The following PHKB variants were observed in gnomAD, a reference collection of about 807,000 sequenced individuals.
PHKB encodes phosphorylase kinase regulatory subunit beta.
PHKB carries 122 observed loss-of-function variants against 152.1 expected under a neutral mutation model. The observed-to-expected ratio is 0.80, with a 90% CI of 0.69 to 0.93. The LOEUF (loss-of-function observed/expected upper bound fraction) is 0.93, where lower values mean the gene tolerates loss of function less well. PHKB is among the 40% of genes least tolerant of loss of function. The pLI, the probability that PHKB is intolerant of heterozygous loss-of-function variation, is 0.00. For synonymous variants in PHKB, 436 were observed against 464.9 expected, an observed-to-expected ratio of 0.94 and a Z score of 0.80; for missense variants, 1,304 against 1,328.4, an observed-to-expected ratio of 0.98 and a Z score of 0.29.
rs1037763534 is a variant in PHKB at position 47,579,583 on chromosome 16, G to T, written c.711-712G>T. ...TAAAAATTTGTAATAATTAAACTGAGTATTAGATATAAAATATTTAAAGGT... is the reference window on the plus strand; with the variant it reads ...TAAAAATTTGTAATAATTAAACTGATTATTAGATATAAAATATTTAAAGGT... On this transcript the variant is annotated intron_variant, in intron 7 of 30. Coordinates refer to ENST00000323584, the MANE Select transcript of PHKB (RefSeq NM_000293.3). Among the ~76,000 whole-genome samples, 4 of 152,160 alleles carry T rather than the reference G, an allele frequency of 2.6e-5. 1 individual carries two copies. The highest frequency in any genetic ancestry group is 6.8e-3 in the Middle Eastern group (2 of 294).
rs1422887377 is a variant in PHKB at position 47,573,873 on chromosome 16, C to T, written c.711-6422C>T. Among the ~76,000 whole-genome samples, 3 of 152,324 alleles carry T rather than the reference C, an allele frequency of 2.0e-5. No homozygotes were observed. The East Asian group carries it at 5.8e-4, about 29-fold the overall frequency. On this transcript the variant is annotated intron_variant, in intron 7 of 30. Coordinates refer to ENST00000323584, the MANE Select transcript of PHKB (RefSeq NM_000293.3). Reference sequence around the variant, plus strand: ...GAGGTCCCTTATGAAGTAGGATCAGCAATGGCTTCCCTCCATCCCTGCTAG... The same window carrying T: ...GAGGTCCCTTATGAAGTAGGATCAGTAATGGCTTCCCTCCATCCCTGCTAG...
intron 26 of PHKB, among the ~76,000 whole-genome samples, chr16:47,672,408 A>G (rs1438812919): frequency 6.6e-6 from 1 of 152,176 alleles, no homozygotes; most frequent in Non-Finnish European, 1.5e-5. Flanking sequence ...ATGAAAAGAA[A>G]TGTGATTCTC....
intron 6 of PHKB, among the ~76,000 whole-genome samples, chr16:47,521,111 A>G (rs745823653): frequency 3.2e-4 from 49 of 152,298 alleles, no homozygotes; most frequent in Non-Finnish European, 6.5e-4. Context: ...GTGTTCTGCA[A>G]TCTTGAACTC....
intron 1 of PHKB, among the ~76,000 whole-genome samples, chr16:47,479,458 ATTT>A (rs1221626791): frequency 7.2e-6 from 1 of 138,522 alleles, no homozygotes; most frequent in African/African-American, 2.7e-5. Context: ...CTTCTCTCTC[ATTT>A]TTTTTTTTTT....
At chr16:47,533,381 G>C (rs910098657) in intron 6 of PHKB, among the ~76,000 whole-genome samples, 4 of 152,118 alleles carry the variant, frequency 2.6e-5, no homozygotes, top group Non-Finnish European at 5.9e-5. Flanking sequence ...GCCTGAAAGT[G>C]GGGCCTCACC....
chr16:47,558,814 T>G (rs1416319249), intron 7 of PHKB, among the ~76,000 whole-genome samples: 1 of 152,236 alleles, frequency 6.6e-6, no homozygotes, highest in Admixed American at 6.5e-5. Context: ...CCTCCCAAAG[T>G]GCTGGGATTA....
At chr16:47,548,796 T>A (rs916242106) in intron 7 of PHKB, among the ~76,000 whole-genome samples, 2 of 152,168 alleles carry the variant, frequency 1.3e-5, no homozygotes, top group African/African-American at 4.8e-5. Flanking sequence ...TATGATTCAG[T>A]TTTCTCATCT....
intron 5 of PHKB, among the ~76,000 whole-genome samples, chr16:47,515,283 A>G (rs1970576639): frequency 6.6e-6 from 1 of 152,254 alleles, no homozygotes; most frequent in African/African-American, 2.4e-5. Flanking sequence ...TTTTATTTGA[A>G]GCCGTTTCCC....
rs750528508 is a variant in PHKB at position 47,696,487 on chromosome 16, A to G, written c.3002A>G (p.Glu1001Gly). 7.9e-6 allele frequency: 12 copies of G among 1,522,420 alleles called. No individual in the cohort carries two copies. In the South Asian group the frequency reaches 1.3e-4, roughly 17 times the overall value. 94.3% of individuals were successfully genotyped at this position (1,522,420 alleles called of 1,614,324 possible). ...DQPQYRQIVV[E>G]LLMVVSIVLE... ...CCACAGTACAGACAGATCGTTGTAG[A>G]GGTGAGTAGTAAGAAATGAAGATTG... The change falls in exon 29 of 31, where the codon GAG becomes GGG. Residue 1001 changes from glutamate (E) to glycine (G), a missense_variant and splice_region_variant. By Grantham distance (98) the Glu-to-Gly change is moderately conservative (BLOSUM62 -2). Transcript: ENST00000323584.
intron 20 of PHKB, among the ~76,000 whole-genome samples, chr16:47,659,836 T>C (rs991184801): frequency 6.6e-6 from 1 of 152,184 alleles, no homozygotes; most frequent in African/African-American, 2.4e-5. Flanking sequence ...TTTTATGTTT[T>C]TCCTAATTTG....
At chr16:47,485,181 A>G (rs767994518) in intron 1 of PHKB, among the ~76,000 whole-genome samples, 1 of 152,194 alleles carries the variant, frequency 6.6e-6, no homozygotes, top group African/African-American at 2.4e-5. Flanking sequence ...TGAAGGTGTC[A>G]TAATTTATTT....
chr16:47,693,046 T>C (rs1012113751), intron 27 of PHKB, among the ~76,000 whole-genome samples: 1 of 152,190 alleles, frequency 6.6e-6, no homozygotes, highest in African/African-American at 2.4e-5. Context: ...CATCAAGTTA[T>C]TATGAAATTC....
intron 7 of PHKB, among the ~76,000 whole-genome samples, chr16:47,564,279 T>C (rs988277663): frequency 2.6e-5 from 4 of 152,126 alleles, no homozygotes; most frequent in African/African-American, 9.7e-5. Context: ...TCGTACTAAC[T>C]TTCATTCCCA....
chr16:47,561,502 G>A (rs985460848), intron 7 of PHKB: 5 of 152,182 alleles, frequency 3.3e-5, no homozygotes, highest in African/African-American at 1.2e-4. Context: ...TTTAAAGTCA[G>A]AGTCATCACA....
chr16:47,556,528 A>G (rs181104178), intron 7 of PHKB, among the ~76,000 whole-genome samples: 5 of 152,290 alleles, frequency 3.3e-5, no homozygotes, highest in Admixed American at 3.3e-4. Context: ...TGAGATAATC[A>G]TGTGGTTTTT....
chr16:47,593,537 T>A lies in PHKB; in HGVS notation c.1106T>A (p.Phe369Tyr). 2 of 1,501,726 alleles carry A rather than the reference T, an allele frequency of 1.3e-6. No homozygotes were observed. Among genetic ancestry groups the A allele is most frequent in the East Asian group, 2.3e-5 (1 of 44,298 alleles). The allele number at this position is 1,501,726 out of a possible 1,614,324, so 93.0% of individuals were successfully genotyped here. A position where few individuals can be genotyped will look rare whatever the true frequency, so the allele number is the denominator to read the frequency against. The change falls in exon 11 of 31, where the codon TTC (phenylalanine) becomes TAC (tyrosine). Residue 369 changes from phenylalanine to tyrosine, a missense_variant. Coordinates refer to ENST00000323584, the MANE Select transcript of PHKB (RefSeq NM_000293.3). The part of the protein sequence containing the change: ...DGIECEFPIF[F>Y]LYMMIDGVFR... ...ATTGAATGTGAATTTCCCATATTTT[T>A]CCTTTATATGATGATTGATGGTAAG...
At chr16:47,695,286 A>C (rs926830185) in intron 28 of PHKB, among the ~76,000 whole-genome samples, 4 of 152,206 alleles carry the variant, frequency 2.6e-5, no homozygotes, top group Admixed American at 6.5e-5. Context: ...TTAAGAAAAA[A>C]TTAATGTGAA....
chr16:47,605,817 C>T (rs1218024978), intron 13 of PHKB, among the ~76,000 whole-genome samples: 1 of 152,000 alleles, frequency 6.6e-6, no homozygotes, highest in African/African-American at 2.4e-5. Context: ...TTTCATCCTC[C>T]TTCTGCTATT....
At chr16:47,629,076 GA>G (rs1239153881) in intron 14 of PHKB, among the ~76,000 whole-genome samples, 2 of 152,178 alleles carry the variant, frequency 1.3e-5, no homozygotes, top group African/African-American at 4.8e-5. Flanking sequence ...AACCCTAGAA[GA>G]AAACCTGGGC....
Sources: gnomAD v4.1 joint callset for allele counts (sites outside exome capture counted in the v4.1 genomes callset) on GRCh38, gnomAD v4.1.1 for gene constraint, MANE v1.5 for transcripts, NCBI Gene and HGNC (gene_info 2026-07-23, HGNC 2026-07-21) for gene names.